SETD7: variants seen among roughly 807,000 people sequenced by gnomAD.
SETD7 encodes the protein SET domain containing 7, histone lysine methyltransferase.
A neutral mutation model predicts 41.8 loss-of-function variants in SETD7; 16 were observed. The ratio of observed to expected loss-of-function variants is 0.38; its 90% CI spans 0.26 to 0.58. The LOEUF (loss-of-function observed/expected upper bound fraction) is 0.58. Among genes scored for constraint, SETD7 ranks in the 20% least tolerant of loss-of-function variants. SETD7 has a pLI of 0.64. For synonymous variants in SETD7, 163 were observed against 169.7 expected (o/e 0.96, Z 0.31); for missense variants, 346 against 459.7 (o/e 0.75, Z 2.26).
intron 3 of SETD7, chr4:139,532,574 A>G (rs1018602478): frequency 5.9e-4 from 90 of 152,562 alleles, no homozygotes; most frequent in Admixed American, 3.4e-3. Flanking sequence ...ATTTCCAACC[A>G]TGGGTTCTGC....
chr4:139,530,082 G>A (rs2725787), intron 3 of SETD7, among the ~76,000 whole-genome samples: 25 of 152,018 alleles, frequency 1.6e-4, no homozygotes, highest in Non-Finnish European at 2.6e-4. Flanking sequence ...ATTCTTAAAC[G>A]CTTTTTAAAT....
intron 6 of SETD7, among the ~76,000 whole-genome samples, chr4:139,519,075 G>C (rs1727110157): frequency 1.3e-5 from 2 of 152,176 alleles, no homozygotes; most frequent in African/African-American, 4.8e-5. Flanking sequence ...AGGTGCAGGG[G>C]ATACAGCAGT....
At position 139,555,902 on chromosome 4, in the gene SETD7, C is replaced by A. The variant is rs555812256; in HGVS notation, c.40+196G>T. 2.6e-5 allele frequency among the ~76,000 whole-genome samples: 4 copies of A among 152,072 alleles called. No homozygotes were observed. Among genetic ancestry groups the A allele is most frequent in the African/African-American group, 9.6e-5 (4 of 41,552 alleles). On this transcript the variant is annotated intron_variant, in intron 1 of 7. Transcript: ENST00000274031. The surrounding 1 kb of genome is among the most constrained non-coding windows in gnomAD (Gnocchi z 4.0). ...CTGGCGGAGCCCCATTCTCGGCCTG[C>A]GCCCCGCCGCGCAGTGCGCGCTCCC...
chr4:139,520,994 T>G (rs1230999849), intron 5 of SETD7, among the ~76,000 whole-genome samples: 1 of 152,240 alleles, frequency 6.6e-6, no homozygotes, highest in African/African-American at 2.4e-5. Context: ...CATACCCATT[T>G]GCTTAGTATT....
chr4:139,504,793 TACA>T (rs1560671828), downstream of SETD7, among the ~76,000 whole-genome samples: 1 of 152,236 alleles, frequency 6.6e-6, no homozygotes, highest in Non-Finnish European at 1.5e-5. Flanking sequence ...TACCTCATTC[TACA>T]ACATTTGGGC....
chr4:139,546,630 T>C (rs569839363), intron 2 of SETD7: 10 of 413,158 alleles, frequency 2.4e-5, no homozygotes, highest in African/African-American at 1.6e-4. Flanking sequence ...CATCAAAGAA[T>C]TGGGTGACCA....
rs1316990992 is a variant in SETD7, at chr4:139,515,860, C to T, written c.920+2025G>A. Among the ~76,000 whole-genome samples the T allele has an allele frequency of 2.0e-5, 3 of 152,110 alleles. No homozygotes were observed. In the South Asian group the frequency reaches 6.2e-4, roughly 32 times the overall value. ...TGCTTATGCTAACAAGCAAGATGACCGAGGGACTGCAAGCTATAACTGAAC... is the reference window on the plus strand; with the variant it reads ...TGCTTATGCTAACAAGCAAGATGACTGAGGGACTGCAAGCTATAACTGAAC... On this transcript the variant is annotated intron_variant, in intron 7 of 7. Coordinates refer to ENST00000274031, the MANE Select transcript of SETD7 (RefSeq NM_030648.4).
chr4:139,535,260 T>C (rs1727606607), intron 2 of SETD7, among the ~76,000 whole-genome samples: 1 of 152,248 alleles, frequency 6.6e-6, no homozygotes, highest in African/African-American at 2.4e-5. Flanking sequence ...CCAGCTAAGT[T>C]TGAATTTCAG....
chr4:139,548,301 C>T (rs972555044), intron 1 of SETD7, among the ~76,000 whole-genome samples: 1 of 152,072 alleles, frequency 6.6e-6, no homozygotes, highest in African/African-American at 2.4e-5. Context: ...AGAATATTAG[C>T]CCTTGGAAAA....
chr4:139,547,530 A>G (rs139429881), intron 1 of SETD7, among the ~76,000 whole-genome samples: 297 of 152,366 alleles, frequency 1.9e-3, no homozygotes, highest in African/African-American at 6.9e-3. Context: ...ATTCTAGAAC[A>G]TTAAGTATGC....
At chr4:139,544,766 C>A (rs1461791992) in intron 2 of SETD7, among the ~76,000 whole-genome samples, 1 of 151,064 alleles carries the variant, frequency 6.6e-6, no homozygotes, top group Admixed American at 6.6e-5. Context: ...CAATCAGTTA[C>A]TGGCTATCAT....
chr4:139,521,772 G>A (rs1207160883), intron 5 of SETD7, among the ~76,000 whole-genome samples: 1 of 152,180 alleles, frequency 6.6e-6, no homozygotes, highest in African/African-American at 2.4e-5. Context: ...AAGGGCTGGG[G>A]CAAATTTCTG....
At chr4:139,514,203 C>T (rs1046498183) in intron 7 of SETD7, among the ~76,000 whole-genome samples, 10 of 151,780 alleles carry the variant, frequency 6.6e-5, no homozygotes, top group East Asian at 3.9e-4. Flanking sequence ...GAGGATCGCT[C>T]GAGACTGGGA....
rs1408457298 is a variant in SETD7 at position 139,499,651 on chromosome 4, C to A, written c.921-3130G>T. On this transcript the variant is annotated intron_variant, in intron 7 of 7. Transcript: ENST00000506866. ...TCAATCCTTTCAGTTTCCCAGCCCCCTTCCCACCAAAGTACCCTTAAAAAC... is the reference window on the plus strand; with the variant it reads ...TCAATCCTTTCAGTTTCCCAGCCCCATTCCCACCAAAGTACCCTTAAAAAC... 2.0e-5 allele frequency among the ~76,000 whole-genome samples: 3 copies of A among 149,838 alleles called. No individual in the cohort carries two copies. In the East Asian group the frequency reaches 5.8e-4, roughly 29 times the overall value.
intron 2 of SETD7, among the ~76,000 whole-genome samples, chr4:139,540,410 GC>G (rs1235558365): frequency 6.6e-6 from 1 of 152,170 alleles, no homozygotes; most frequent in African/African-American, 2.4e-5. Context: ...TGGAAGAAAG[GC>G]AGTCAGGCCC....
At chr4:139,535,125 C>T (rs762995958) in intron 2 of SETD7, among the ~76,000 whole-genome samples, 9 of 151,658 alleles carry the variant, frequency 5.9e-5, no homozygotes, top group Non-Finnish European at 8.8e-5. Context: ...ATTAGACTCC[C>T]ACAATTAAAA....
chr4:139,527,385 T>C (rs186824766), intron 4 of SETD7, among the ~76,000 whole-genome samples: 17 of 152,146 alleles, frequency 1.1e-4, no homozygotes, highest in African/African-American at 3.6e-4. Flanking sequence ...AAGACCCTGT[T>C]TCTACAAAAA....
rs1409060130 is a variant in SETD7 at position 139,555,435 on chromosome 4, G to A, written c.40+663C>T. 6.6e-6 allele frequency among the ~76,000 whole-genome samples: 1 copy of A among 152,036 alleles called. No homozygotes were observed. The highest frequency in any genetic ancestry group is 1.5e-5 in the Non-Finnish European group (1 of 68,018). On this transcript the variant is annotated intron_variant, in intron 1 of 7. Transcript: ENST00000274031. This position sits in a 1 kb window ranked among gnomAD's most constrained non-coding sequence, Gnocchi z 4.0. ...GGGAGGGGGAGGCCTGACTGAGTTCGCTCGGGGGCAGCTGAGGGGAGGGCT... is the reference window on the plus strand; with the variant it reads ...GGGAGGGGGAGGCCTGACTGAGTTCACTCGGGGGCAGCTGAGGGGAGGGCT...
intron 4 of SETD7, 79 bp downstream of exon 4, chr4:139,528,951 AG>A: frequency 8.1e-7 from 1 of 1,239,390 alleles, no homozygotes; most frequent in Non-Finnish European, 1.2e-6. Context: ...AGAGAGGAAA[AG>A]AAAAGAAGCT....
Sources: gnomAD v4.1 joint callset for allele counts (sites outside exome capture counted in the v4.1 genomes callset) on GRCh38, gnomAD v4.1.1 for gene constraint, Gnocchi (gnomAD v3.1) non-coding constraint, MANE v1.5 for transcripts, NCBI Gene and HGNC (gene_info 2026-07-23, HGNC 2026-07-21) for gene names.